Variants in GRAMD1B observed in about 807,000 individuals in gnomAD.
GRAMD1B encodes protein Aster-B.
In GRAMD1B, 37 loss-of-function variants were observed where a neutral mutation model predicts 99.7. The ratio of observed to expected loss-of-function variants is 0.37; its 90% CI spans 0.29 to 0.49. GRAMD1B has a LOEUF of 0.49. Ranked by LOEUF, GRAMD1B falls within the 20% of genes least tolerant of loss-of-function variation. GRAMD1B has a pLI of 0.98. For synonymous variants in GRAMD1B, 427 were observed against 387.6 expected, an observed-to-expected ratio of 1.10 and a Z score of -1.19; for missense variants, 888 against 1,009.2, an observed-to-expected ratio of 0.88 and a Z score of 1.63.
At chr11:123,612,239 G>A (rs564203539) in intron 14 of GRAMD1B, among the ~76,000 whole-genome samples, 41 of 152,212 alleles carry the variant, frequency 2.7e-4, no homozygotes, top group African/African-American at 9.9e-4. Context: ...TTTTGTTTTT[G>A]TAGAGATGGG....
rs1681130764 is a variant in GRAMD1B, at chr11:123,430,415, C to T, written c.-378C>T. ...GTTTGCTGCACCGCCCCCTGGGGCCCCTGGCTGCCGAGTCCCGCTAAGGCA... is the reference window on the plus strand; with the variant it reads ...GTTTGCTGCACCGCCCCCTGGGGCCTCTGGCTGCCGAGTCCCGCTAAGGCA... On this transcript the variant is annotated 5_prime_UTR_variant, in exon 1 of 20. Transcript: ENST00000635736. The T allele has an allele frequency of 4.3e-6, 1 of 235,176 alleles. No individual in the cohort carries two copies. The highest frequency in any genetic ancestry group is 8.1e-6 in the Non-Finnish European group (1 of 122,834). The allele number at this position is 235,176 out of a possible 1,614,324, so 14.6% of individuals were successfully genotyped here.
chr11:123,420,995 G>A (rs1012825164), intron 1 of GRAMD1B, among the ~76,000 whole-genome samples: 30 of 152,242 alleles, frequency 2.0e-4, no homozygotes, highest in African/African-American at 7.2e-4. Flanking sequence ...GATTTTTCAT[G>A]TGGTTCAGGT....
At chr11:123,593,230 T>TAAACAAAC (rs372424623) in intron 4 of GRAMD1B, among the ~76,000 whole-genome samples, 2,851 of 151,608 alleles carry the variant, frequency 0.019, 53 homozygotes, top group Non-Finnish European at 0.031. Context: ...AGACTCTGTC[T>TAAACAAAC]AAACAAACAA....
At chr11:123,594,978 A>T (rs1807458301) in intron 6 of GRAMD1B, 140 bp downstream of exon 6, 1 of 632,408 alleles carries the variant, frequency 1.6e-6, no homozygotes, top group Non-Finnish European at 2.9e-6. Context: ...GTCTTGAAAG[A>T]TATTCAATTC....
chr11:123,548,955 C>T (rs568642984), intron 2 of GRAMD1B, among the ~76,000 whole-genome samples: 6 of 152,256 alleles, frequency 3.9e-5, no homozygotes, highest in Middle Eastern at 3.4e-3. Flanking sequence ...AGAGAGAGAG[C>T]GAGCAAGCCT....
At chr11:123,519,531 C>G (rs1046752510) in intron 2 of GRAMD1B, among the ~76,000 whole-genome samples, 5 of 152,232 alleles carry the variant, frequency 3.3e-5, no homozygotes, top group Non-Finnish European at 7.3e-5. Flanking sequence ...AAATATAACA[C>G]TCTCAACGCC....
intron 1 of GRAMD1B, chr11:123,458,873 G>C (rs529230507): frequency 7.9e-5 from 12 of 152,266 alleles, no homozygotes; most frequent in African/African-American, 2.9e-4. Context: ...GTATGGCTTG[G>C]TGATTGAAGT....
intron 1 of GRAMD1B, chr11:123,358,810 C>A (rs1210264195): frequency 6.6e-6 from 1 of 152,398 alleles, no homozygotes; most frequent in Non-Finnish European, 1.5e-5. Flanking sequence ...GTAAGAACTT[C>A]CTGACCTTCC....
At chr11:123,372,944 A>G (rs1946575613) in intron 1 of GRAMD1B, among the ~76,000 whole-genome samples, 1 of 152,070 alleles carries the variant, frequency 6.6e-6, no homozygotes. Flanking sequence ...GATCAAGACC[A>G]ACCTGGCCAA....
At chr11:123,586,636 C>T (rs149256170) in intron 4 of GRAMD1B, among the ~76,000 whole-genome samples, 1 of 152,304 alleles carries the variant, frequency 6.6e-6, no homozygotes, top group African/African-American at 2.4e-5. Flanking sequence ...TGCAGCTGAA[C>T]GAGCTCCTCT....
intron 1 of GRAMD1B, among the ~76,000 whole-genome samples, chr11:123,474,957 ATCTC>A (rs1049379865): frequency 1.3e-5 from 2 of 152,102 alleles, no homozygotes; most frequent in African/African-American, 4.8e-5. Flanking sequence ...GACCACCTGA[ATCTC>A]TCAGAACCCC....
chr11:123,509,852 C>A (rs1366157472), intron 2 of GRAMD1B: 1 of 152,274 alleles, frequency 6.6e-6, no homozygotes, highest in Non-Finnish European at 1.5e-5. Flanking sequence ...TGGATGAAGT[C>A]ATCCTGCTCC....
At chr11:123,578,910 A>C (rs1949033422) in intron 3 of GRAMD1B, among the ~76,000 whole-genome samples, 1 of 152,126 alleles carries the variant, frequency 6.6e-6, no homozygotes, top group Non-Finnish European at 1.5e-5. Flanking sequence ...CGATGAGTTC[A>C]TTGGTGCAGC....
chr11:123,429,683 T>C (rs1484991028), upstream of GRAMD1B, among the ~76,000 whole-genome samples: 1 of 152,144 alleles, frequency 6.6e-6, no homozygotes, highest in African/African-American at 2.4e-5. The surrounding 1 kb of genome is among the most constrained non-coding windows in gnomAD (Gnocchi z 4.0). Context: ...TGGTCCTGTG[T>C]CCTTTGTCTC....
intron 2 of GRAMD1B, among the ~76,000 whole-genome samples, chr11:123,484,665 C>G (rs1340986048): frequency 6.6e-6 from 1 of 151,874 alleles, no homozygotes; most frequent in Non-Finnish European, 1.5e-5. Flanking sequence ...CTGTGACCGG[C>G]CCCCCCTCCA....
chr11:123,467,833 C>CCTTCCTTCCTTCCTTCCTTCCTTCCTT lies in GRAMD1B; in HGVS notation c.375-12982_375-12981insTTCCTTCCTTCCTTCCTTCCTTCCTTC, dbSNP rs201070086. Among the ~76,000 whole-genome samples the CCTTCCTTCCTTCCTTCCTTCCTTCCTT allele has an allele frequency of 1.5e-3, 144 of 98,822 alleles. No homozygotes were observed. In the Middle Eastern group the frequency reaches 0.019, roughly 13 times the overall value. 64.8% of individuals were successfully genotyped at this position (98,822 alleles called of 152,430 possible). On this transcript the variant is annotated intron_variant, in intron 1 of 19. Coordinates refer to ENST00000635736, the MANE Select transcript of GRAMD1B (RefSeq NM_001387025.1). ...TTTCTTTTCTTTTCCCTCCCTCCCT[C>CCTTCCTTCCTTCCTTCCTTCCTTCCTT]CCTCCCTCCCTTCCTTCCTTCCTTC...
intron 9 of GRAMD1B, among the ~76,000 whole-genome samples, chr11:123,604,479 C>A (rs1471982893): frequency 6.6e-6 from 1 of 152,048 alleles, no homozygotes; most frequent in Non-Finnish European, 1.5e-5. Context: ...GGAAGATGTG[C>A]CTGTAGACTG....
chr11:123,577,718 A>G (rs1339060321), intron 3 of GRAMD1B, 141 bp downstream of exon 3: 1 of 664,106 alleles, frequency 1.5e-6, no homozygotes, highest in East Asian at 2.7e-5. Context: ...TTATCCAGTG[A>G]GGTGAGGCGG....
At chr11:123,528,690 C>CTT (rs372115074) in intron 2 of GRAMD1B, among the ~76,000 whole-genome samples, 3 of 147,898 alleles carry the variant, frequency 2.0e-5, no homozygotes, top group African/African-American at 5.0e-5. Flanking sequence ...TAGACACCGG[C>CTT]TTTTTTTTTT....
Sources: gnomAD v4.1 joint callset for allele counts (sites outside exome capture counted in the v4.1 genomes callset) on GRCh38, gnomAD v4.1.1 for gene constraint, Gnocchi (gnomAD v3.1) non-coding constraint, MANE v1.5 for transcripts, NCBI Gene and HGNC (gene_info 2026-07-23, HGNC 2026-07-21) for gene names.